ETV5: variants seen among roughly 807,000 people sequenced by gnomAD.
The protein encoded by ETV5 is ETS translocation variant 5.
ETV5 carries 10 observed loss-of-function variants against 70.0 expected under a neutral mutation model. The observed-to-expected ratio is 0.14, with a 90% CI of 0.09 to 0.24. ETV5 has a LOEUF of 0.24. ETV5 is among the 10% of genes least tolerant of loss of function. ETV5 has a pLI of 1.00. For missense variants in ETV5, 453 were observed against 651.2 expected (o/e 0.70, Z 3.31); for synonymous variants, 216 against 242.2 (o/e 0.89, Z 1.01).
intron 7 of ETV5, chr3:186,078,249 T>C (rs1713844818): frequency 4.0e-6 from 4 of 1,007,240 alleles, no homozygotes; most frequent in Admixed American, 5.5e-5. Flanking sequence ...GGGGAAATAT[T>C]AGATAAAGGA....
At chr3:186,088,650 G>C (rs1170697270) in intron 5 of ETV5, among the ~76,000 whole-genome samples, 1 of 152,172 alleles carries the variant, frequency 6.6e-6, no homozygotes, top group Non-Finnish European at 1.5e-5. Context: ...AGGAAAAGAT[G>C]ATCAAGAAGA....
chr3:186,050,767 G>C (rs994946280), intron 12 of ETV5, among the ~76,000 whole-genome samples: 1 of 152,118 alleles, frequency 6.6e-6, no homozygotes, highest in African/African-American at 2.4e-5. Flanking sequence ...AAGACACAGC[G>C]AGAAGAGCAG....
intron 9 of ETV5, among the ~76,000 whole-genome samples, chr3:186,061,247 A>C (rs1713297423): frequency 6.6e-6 from 1 of 152,200 alleles, no homozygotes; most frequent in African/African-American, 2.4e-5. Flanking sequence ...GGAGCTTTAG[A>C]AACTACTAAA....
chr3:186,095,598 G>T lies in ETV5; in HGVS notation c.232+9707C>A, dbSNP rs146339304. Among the ~76,000 whole-genome samples, 93 of 152,328 alleles carry T rather than the reference G, an allele frequency of 6.1e-4. 1 individual carries two copies. The highest frequency in any genetic ancestry group is 2.1e-3 in the African/African-American group (86 of 41,560). Reference sequence around the variant, plus strand: ...CACTTCTCCTAAAAGCAGAAACTCAGCAAGTACGTCAAGGGTGCCTAAACT... The same window carrying T: ...CACTTCTCCTAAAAGCAGAAACTCATCAAGTACGTCAAGGGTGCCTAAACT... On this transcript the variant is annotated intron_variant, in intron 5 of 12. Coordinates refer to ENST00000306376, the MANE Select transcript of ETV5 (RefSeq NM_004454.3).
At chr3:186,106,773 T>C (rs1018734786) in intron 1 of ETV5, among the ~76,000 whole-genome samples, 1 of 151,882 alleles carries the variant, frequency 6.6e-6, no homozygotes, top group Non-Finnish European at 1.5e-5. Context: ...TCAGGACGGG[T>C]AAGTGTGTGA....
chr3:186,080,133 T>C (rs375352346), intron 6 of ETV5, 29 bp from the exon 7 acceptor site: 2 of 1,452,016 alleles, frequency 1.4e-6, no homozygotes, highest in Non-Finnish European at 1.8e-6. Context: ...AAGGAACCAT[T>C]AAGCTGAAAT....
At chr3:186,071,984 G>C (rs1277752317) in intron 7 of ETV5, among the ~76,000 whole-genome samples, 1 of 151,426 alleles carries the variant, frequency 6.6e-6, no homozygotes, top group African/African-American at 2.4e-5. Context: ...ATTGTTAGTA[G>C]AGACAGGGTT....
At chr3:186,080,992 C>T in intron 6 of ETV5, 54 bp downstream of exon 6, 1 of 1,547,512 alleles carries the variant, frequency 6.5e-7, no homozygotes, top group South Asian at 1.2e-5. Flanking sequence ...AGCTTGATGG[C>T]TACTTCCAGA....
intron 1 of ETV5, chr3:186,108,559 A>C (rs553874391): frequency 1.6e-6 from 2 of 1,271,012 alleles, no homozygotes; most frequent in Admixed American, 2.4e-5. Flanking sequence ...AGCTCCGCCA[A>C]GCGTCTCTTC....
chr3:186,071,624 C>T (rs1000086505), intron 7 of ETV5, among the ~76,000 whole-genome samples: 22 of 152,188 alleles, frequency 1.4e-4, no homozygotes, highest in Admixed American at 1.2e-3. Context: ...TCAACTGCCC[C>T]ACCTTCTCCC....
intron 7 of ETV5, among the ~76,000 whole-genome samples, chr3:186,075,085 TA>T (rs1281805980): frequency 1.3e-5 from 2 of 152,122 alleles, no homozygotes; most frequent in Non-Finnish European, 2.9e-5. Context: ...TTTAGCTTGT[TA>T]AAAGGTAACA....
chr3:186,080,746 C>A (rs948608985), intron 6 of ETV5: 1 of 248,070 alleles, frequency 4.0e-6, no homozygotes, highest in African/African-American at 2.2e-5. Context: ...GTATATATTA[C>A]CTGCCTCAAA....
intron 7 of ETV5, chr3:186,078,914 G>C (rs1400630632): frequency 7.0e-6 from 2 of 285,016 alleles, no homozygotes; most frequent in Non-Finnish European, 1.2e-5. Flanking sequence ...GTAAATACTG[G>C]TAGGCATCTG....
intron 5 of ETV5, among the ~76,000 whole-genome samples, chr3:186,086,449 C>T (rs1714060209): frequency 6.6e-6 from 1 of 152,082 alleles, no homozygotes; most frequent in South Asian, 2.1e-4. Context: ...GGAAAGAAAG[C>T]TGTCATTATT....
intron 5 of ETV5, among the ~76,000 whole-genome samples, chr3:186,089,752 C>T (rs779433930): frequency 6.6e-6 from 1 of 152,178 alleles, no homozygotes; most frequent in Non-Finnish European, 1.5e-5. Context: ...GCTAGGGAGA[C>T]TGTTGCATAT....
intron 5 of ETV5, among the ~76,000 whole-genome samples, chr3:186,094,510 G>T (rs1410164387): frequency 6.6e-6 from 1 of 152,096 alleles, no homozygotes; most frequent in Non-Finnish European, 1.5e-5. Context: ...CTACACTTCA[G>T]CATTTTTCTT....
In ETV5 at chr3:186,047,297, A is replaced by G. The variant is rs1416579211; in HGVS notation, c.*1342T>C. On this transcript the variant is annotated 3_prime_UTR_variant, in exon 13 of 13. Coordinates refer to ENST00000306376, the MANE Select transcript of ETV5 (RefSeq NM_004454.3). ...TTTTTAAAAAAAGGCAGGAATCTAG[A>G]ATGCTAGCACTGTTGCTTACCTGTC... 2.2e-5 allele frequency: 5 copies of G among 230,454 alleles called. No homozygotes were observed. The highest frequency in any genetic ancestry group is 4.4e-5 in the African/African-American group (2 of 45,116). 14.3% of individuals were successfully genotyped at this position (230,454 alleles called of 1,614,324 possible).
chr3:186,050,100 C>T (rs1712989927), intron 12 of ETV5, among the ~76,000 whole-genome samples: 1 of 152,148 alleles, frequency 6.6e-6, no homozygotes, highest in African/African-American at 2.4e-5. Context: ...CACTGGATGG[C>T]ACATTATTAT....
intron 5 of ETV5, among the ~76,000 whole-genome samples, chr3:186,085,839 A>G (rs77837349): frequency 0.041 from 6,196 of 152,124 alleles, 165 homozygotes; most frequent in African/African-American, 0.07. Context: ...CTTGCCTCCC[A>G]TTCTAGCATT....
Sources: gnomAD v4.1 joint callset for allele counts (sites outside exome capture counted in the v4.1 genomes callset) on GRCh38, gnomAD v4.1.1 for gene constraint, MANE v1.5 for transcripts, NCBI Gene and HGNC (gene_info 2026-07-23, HGNC 2026-07-21) for gene names.